Variants in PCDHA6 observed in about 807,000 individuals in gnomAD.
PCDHA6 encodes protocadherin alpha 6.
In PCDHA6, 55 loss-of-function variants were observed where a neutral mutation model predicts 60.3. That is an observed-to-expected ratio of 0.91 (90% confidence interval 0.73 to 1.14). PCDHA6 has a LOEUF of 1.14. Among genes scored for constraint, PCDHA6 ranks in the 50% most tolerant of loss-of-function variants. The pLI, the probability that PCDHA6 is intolerant of heterozygous loss-of-function variation, is 0.00. For missense variants in PCDHA6, 1,327 were observed against 1,256.5 expected (o/e 1.06, Z -0.85); for synonymous variants, 652 against 557.9 (o/e 1.17, Z -2.38).
Position 140,849,058 on chromosome 5 carries a change from A to G in PCDHA6, c.2394+18573A>G, listed in dbSNP as rs2150429611. 41 of 1,550,890 alleles carry G rather than the reference A, an allele frequency of 2.6e-5. 1 individual carries two copies. Among genetic ancestry groups the G allele is most frequent in the Non-Finnish European group, 3.6e-5 (41 of 1,140,546 alleles). On this transcript the variant is annotated intron_variant, in intron 1 of 3. Coordinates refer to ENST00000529310, the MANE Select transcript of PCDHA6 (RefSeq NM_018909.4). ...CTGGACGTGCCAACCAGCAACCAGCAGGTAAAACCTCTTGGACTTGTATTA... is the reference window on the plus strand; with the variant it reads ...CTGGACGTGCCAACCAGCAACCAGCGGGTAAAACCTCTTGGACTTGTATTA...
intron 1 of PCDHA6, chr5:140,849,719 G>C: frequency 1.3e-6 from 2 of 1,598,560 alleles, no homozygotes; most frequent in South Asian, 1.1e-5. Context: ...ACTCGTTGGT[G>C]CTGGACAGAG....
chr5:140,855,858 G>C (rs1203638572), intron 1 of PCDHA6: 4 of 715,822 alleles, frequency 5.6e-6, no homozygotes, highest in Non-Finnish European at 9.0e-6. Context: ...ACCGGATGTC[G>C]CTGTCGTCCA....
chr5:140,925,151 T>G (rs1378736882), intron 1 of PCDHA6, among the ~76,000 whole-genome samples: 3 of 151,748 alleles, frequency 2.0e-5, no homozygotes, highest in African/African-American at 7.3e-5. Context: ...ACACAAAAGT[T>G]GAGAGAATTG....
At position 140,897,620 on chromosome 5, in the gene PCDHA6, A is replaced by G. The variant is rs1317464980; in HGVS notation, c.2394+67135A>G. On this transcript the variant is annotated intron_variant, in intron 1 of 3. Coordinates refer to ENST00000529310, the MANE Select transcript of PCDHA6 (RefSeq NM_018909.4). Reference sequence around the variant, plus strand: ...ACATTTGGGTTGGTTCCAAGTCTTTACTATTGTGTATAGTGCCACAATAAA... The same window carrying G: ...ACATTTGGGTTGGTTCCAAGTCTTTGCTATTGTGTATAGTGCCACAATAAA... Among the ~76,000 whole-genome samples, 1,214 of 152,126 alleles carry G rather than the reference A, an allele frequency of 8.0e-3. 6 individuals are homozygous for G. The highest frequency in any genetic ancestry group is 0.019 in the African/African-American group (783 of 41,492).
Position 140,956,280 on chromosome 5 carries a change from G to A in PCDHA6, c.2395-22669G>A, listed in dbSNP as rs554735108. On this transcript the variant is annotated intron_variant, in intron 1 of 3. Coordinates refer to ENST00000529310, the MANE Select transcript of PCDHA6 (RefSeq NM_018909.4). ...GCCCATTCAGTGTGGTATTGGCTGT[G>A]GGTTTATCATATATATGGCTCTTAT... Among the ~76,000 whole-genome samples, 16 of 152,206 alleles carry A rather than the reference G, an allele frequency of 1.1e-4. No individual in the cohort carries two copies. In the South Asian group the frequency reaches 3.3e-3, roughly 32 times the overall value.
intron 1 of PCDHA6, chr5:140,868,546 A>T (rs1356639258): frequency 1.3e-5 from 2 of 152,640 alleles, no homozygotes; most frequent in African/African-American, 2.4e-5. Context: ...TTCAAATTTG[A>T]TAGTATTTTT....
At chr5:140,982,658 C>G (rs530615346) in intron 3 of PCDHA6, 95 bp downstream of exon 3, 2 of 1,487,730 alleles carry the variant, frequency 1.3e-6, no homozygotes, top group East Asian at 4.9e-5. Context: ...GGCTCTTTTT[C>G]TTTTATATTT....
intron 1 of PCDHA6, among the ~76,000 whole-genome samples, chr5:140,886,682 G>A (rs181377286): frequency 6.6e-6 from 1 of 151,618 alleles, no homozygotes. Context: ...AAAAATTAGC[G>A]AGGCATGGTG....
intron 3 of PCDHA6, among the ~76,000 whole-genome samples, chr5:141,001,524 C>T (rs952372807): frequency 6.6e-6 from 1 of 152,202 alleles, no homozygotes; most frequent in Non-Finnish European, 1.5e-5. Context: ...CTCCCTCTCT[C>T]TCTGATCCTG....
In PCDHA6 at chr5:140,838,192, C is replaced by CA. The variant is rs1413754072; in HGVS notation, c.2394+7711dup. ...GCAGTGGTGCAATCTCAGCTCACTG[C>CA]AAAATCCGCCTCTCTGGTACAAGCA... On this transcript the variant is annotated intron_variant, in intron 1 of 3. Transcript: ENST00000529310. Among the ~76,000 whole-genome samples the CA allele has an allele frequency of 5.3e-5, 8 of 149,554 alleles. 1 individual carries two copies. The highest frequency in any genetic ancestry group is 9.9e-5 in the African/African-American group (4 of 40,474).
intron 1 of PCDHA6, among the ~76,000 whole-genome samples, chr5:140,839,422 C>T (rs1398340134): frequency 1.3e-5 from 2 of 151,902 alleles, no homozygotes; most frequent in Non-Finnish European, 2.9e-5. Flanking sequence ...CAGGGTCTCA[C>T]TCTGTAGCCC....
intron 1 of PCDHA6, among the ~76,000 whole-genome samples, chr5:140,963,588 A>G (rs1554226668): frequency 6.6e-6 from 1 of 152,218 alleles, no homozygotes; most frequent in African/African-American, 2.4e-5. Flanking sequence ...AATGTAGGAT[A>G]TAGTTCTAGA....
At chr5:140,854,022 C>A in intron 1 of PCDHA6, 1 of 318,106 alleles carries the variant, frequency 3.1e-6, no homozygotes, top group Non-Finnish European at 4.7e-6. Context: ...ATTAGCCGGG[C>A]ATGGTGGCAC....
At chr5:140,836,085 C>T in intron 1 of PCDHA6, 1 of 1,613,676 alleles carries the variant, frequency 6.2e-7, no homozygotes, top group South Asian at 1.1e-5. Flanking sequence ...ACTGCTGGCG[C>T]CTCGGGTGGG....
intron 1 of PCDHA6, chr5:140,875,698 G>T: frequency 6.2e-7 from 1 of 1,614,084 alleles, no homozygotes; most frequent in Non-Finnish European, 8.5e-7. Flanking sequence ...GGACCTTCTG[G>T]AGGTAAATCT....
intron 3 of PCDHA6, among the ~76,000 whole-genome samples, chr5:141,007,339 T>C (rs2098316015): frequency 6.9e-6 from 1 of 143,904 alleles, no homozygotes; most frequent in Non-Finnish European, 1.5e-5. Context: ...TTGCCTGAGC[T>C]CAGGAGTTCG....
chr5:140,948,573 G>A (rs892818051), intron 1 of PCDHA6, among the ~76,000 whole-genome samples: 1 of 151,448 alleles, frequency 6.6e-6, no homozygotes, highest in Non-Finnish European at 1.5e-5. Flanking sequence ...ATTTTTTAAA[G>A]GATTTGTCAG....
chr5:140,988,247 TC>T (rs2097289620), intron 3 of PCDHA6, among the ~76,000 whole-genome samples: 1 of 152,148 alleles, frequency 6.6e-6, no homozygotes, highest in Admixed American at 6.5e-5. Context: ...GTGGGGCAGC[TC>T]CCGCCTGTGA....
chr5:140,857,197 G>A, intron 1 of PCDHA6: 2 of 1,598,586 alleles, frequency 1.3e-6, no homozygotes, highest in South Asian at 1.1e-5. Context: ...CCAACGGACA[G>A]GTCACCTGCT....
Sources: gnomAD v4.1 joint callset for allele counts (sites outside exome capture counted in the v4.1 genomes callset) on GRCh38, gnomAD v4.1.1 for gene constraint, MANE v1.5 for transcripts, NCBI Gene and HGNC (gene_info 2026-07-23, HGNC 2026-07-21) for gene names.